Variants in KIF18A observed in about 807,000 individuals in gnomAD.
KIF18A encodes the protein kinesin-like protein KIF18A.
Under a neutral mutation model 103.3 loss-of-function variants are expected in KIF18A, and 67 were observed. The observed-to-expected ratio is 0.65, with a 90% CI of 0.53 to 0.79. The LOEUF (loss-of-function observed/expected upper bound fraction) is 0.79, where lower values mean the gene tolerates loss of function less well. Ranked by LOEUF, KIF18A falls within the 30% of genes least tolerant of loss-of-function variation. The pLI is 0.00. For synonymous variants in KIF18A, 367 were observed against 355.5 expected, an observed-to-expected ratio of 1.03 and a Z score of -0.36; for missense variants, 1,032 against 1,062.5, an observed-to-expected ratio of 0.97 and a Z score of 0.40.
At chr11:28,060,070 C>T (rs955786606) in intron 12 of KIF18A, among the ~76,000 whole-genome samples, 21 of 152,052 alleles carry the variant, frequency 1.4e-4, no homozygotes, top group African/African-American at 5.1e-4. Context: ...CTCAAAATCT[C>T]CCTTATTAGC....
At chr11:28,054,807 G>A (rs1162902402) in intron 13 of KIF18A, among the ~76,000 whole-genome samples, 3 of 152,080 alleles carry the variant, frequency 2.0e-5, no homozygotes, top group Admixed American at 2.0e-4. Flanking sequence ...GAGAAAACAC[G>A]TTAATTATAA....
chr11:28,106,900 G>A, intron 1 of KIF18A, among the ~76,000 whole-genome samples: 1 of 152,146 alleles, frequency 6.6e-6, no homozygotes, highest in East Asian at 1.9e-4. Context: ...GAACCTGGGA[G>A]GTGGAGGTTG....
At chr11:28,089,029 T>G (rs1851268508) in intron 5 of KIF18A, among the ~76,000 whole-genome samples, 2 of 152,150 alleles carry the variant, frequency 1.3e-5, no homozygotes, top group African/African-American at 2.4e-5. Context: ...GAGGTGATGG[T>G]TAGAAACACA....
intron 1 of KIF18A, among the ~76,000 whole-genome samples, chr11:28,104,373 C>A (rs973677706): frequency 6.6e-6 from 1 of 152,202 alleles, no homozygotes. Context: ...TTTCATTATT[C>A]TGCTTCAGCT....
chr11:28,059,484 A>G (rs1850830996), intron 12 of KIF18A, among the ~76,000 whole-genome samples: 1 of 152,096 alleles, frequency 6.6e-6, no homozygotes, highest in South Asian at 2.1e-4. Context: ...CCCAGGCTGG[A>G]GTGTAGTGGC....
At chr11:28,027,481 T>A (rs1195076008) in intron 15 of KIF18A, among the ~76,000 whole-genome samples, 1 of 151,832 alleles carries the variant, frequency 6.6e-6, no homozygotes. Flanking sequence ...GTATTAGCCA[T>A]CATCTCAAAT....
At chr11:28,033,987 A>AT (rs1850446212) in intron 15 of KIF18A, among the ~76,000 whole-genome samples, 1 of 151,656 alleles carries the variant, frequency 6.6e-6, no homozygotes, top group Non-Finnish European at 1.5e-5. Flanking sequence ...CTACGTACCC[A>AT]CAAAAATAAA....
At chr11:28,098,894 C>G (rs1004150780) in intron 1 of KIF18A, among the ~76,000 whole-genome samples, 8 of 151,060 alleles carry the variant, frequency 5.3e-5, no homozygotes, top group Admixed American at 5.3e-4. Context: ...AAAAACCAAA[C>G]CACAAAACAA....
Position 28,077,135 on chromosome 11 carries a change from G to T in KIF18A, c.1297C>A (p.Arg433=). 6.4e-7 allele frequency: 1 copy of T among 1,574,644 alleles called. No homozygotes were observed. Among genetic ancestry groups the T allele is most frequent in the Non-Finnish European group, 8.6e-7 (1 of 1,168,286 alleles). ...QEILNCLFQN[R]EEIRQEYLKL... The stretch of plus-strand genomic sequence containing the variant: ...AGATATTCTTGTCTAATTTCTTCTC[G>T]ATTCTGGAACAAGCAGTTCAGGATT... The change falls in exon 10 of 17, where the codon CGA becomes AGA. Residue 433 remains arginine (R), a synonymous_variant. Coordinates refer to ENST00000263181, the MANE Select transcript of KIF18A (RefSeq NM_031217.4).
At chr11:28,025,389 A>G (rs963553062) in intron 15 of KIF18A, among the ~76,000 whole-genome samples, 1 of 152,052 alleles carries the variant, frequency 6.6e-6, no homozygotes. Flanking sequence ...TTTCAAATAT[A>G]AAGATCAATA....
intron 15 of KIF18A, among the ~76,000 whole-genome samples, chr11:28,026,682 C>A (rs1850325603): frequency 6.6e-6 from 1 of 151,730 alleles, no homozygotes; most frequent in Admixed American, 6.6e-5. Context: ...TTTATAATAG[C>A]TAAGTTCATA....
rs531768449 is a variant in KIF18A at position 28,033,561 on chromosome 11, A to G, written c.2504+1826T>C. On this transcript the variant is annotated intron_variant, in intron 15 of 16. Coordinates refer to ENST00000263181, the MANE Select transcript of KIF18A (RefSeq NM_031217.4). ...AGAATGAGACCCTGTCATTTGCAACAGCATGGATGGAACTGATGGTAATTA... is the reference window on the plus strand; with the variant it reads ...AGAATGAGACCCTGTCATTTGCAACGGCATGGATGGAACTGATGGTAATTA... Among the ~76,000 whole-genome samples, 4 of 152,002 alleles carry G rather than the reference A, an allele frequency of 2.6e-5. No homozygotes were observed. In the East Asian group the frequency reaches 7.7e-4, roughly 29 times the overall value.
At chr11:28,049,381 T>A (rs1393515001) in intron 13 of KIF18A, among the ~76,000 whole-genome samples, 1 of 151,968 alleles carries the variant, frequency 6.6e-6, no homozygotes, top group Non-Finnish European at 1.5e-5. Context: ...GCTTTTGGGG[T>A]CATCTTTTGA....
At chr11:28,060,032 C>T (rs566369534) in intron 12 of KIF18A, among the ~76,000 whole-genome samples, 2 of 152,152 alleles carry the variant, frequency 1.3e-5, no homozygotes, top group East Asian at 1.9e-4. Flanking sequence ...TATAAATAAT[C>T]GTTAGGGCAC....
chr11:28,053,156 T>A lies in KIF18A; in HGVS notation c.1948+5770A>T, dbSNP rs1369536607. Among the ~76,000 whole-genome samples the A allele has an allele frequency of 2.0e-5, 3 of 152,154 alleles. No individual in the cohort carries two copies. The South Asian group carries it at 6.2e-4, about 32-fold the overall frequency. Reference sequence around the variant, plus strand: ...TTGTTTGTATCTTAATTCAAACAAATCATAGAAACAAATAATTTATGAGAC... The same window carrying A: ...TTGTTTGTATCTTAATTCAAACAAAACATAGAAACAAATAATTTATGAGAC... On this transcript the variant is annotated intron_variant, in intron 13 of 16. Coordinates refer to ENST00000263181, the MANE Select transcript of KIF18A (RefSeq NM_031217.4).
chr11:28,051,051 C>T (rs758746270), intron 13 of KIF18A, among the ~76,000 whole-genome samples: 10 of 151,436 alleles, frequency 6.6e-5, no homozygotes, highest in East Asian at 1.9e-4. Flanking sequence ...AAAACACTTA[C>T]GAAGAAAACT....
chr11:28,063,156 T>C (rs982862193), intron 11 of KIF18A, among the ~76,000 whole-genome samples: 26 of 152,054 alleles, frequency 1.7e-4, no homozygotes, highest in Non-Finnish European at 3.1e-4. Context: ...CTATGAGTCA[T>C]GTGATTTTAG....
intron 15 of KIF18A, among the ~76,000 whole-genome samples, chr11:28,032,612 TG>T (rs35364054): frequency 2.0e-5 from 3 of 151,834 alleles, no homozygotes; most frequent in African/African-American, 7.3e-5. Context: ...GAACATACAT[TG>T]GGAAAAAAGA....
rs1851450832 is a variant in KIF18A at position 28,101,940 on chromosome 11, G to A, written c.-46-3947C>T. ...CCCTATAAATCATGGATTTTCATTA[G>A]ATGCGTTTTATTTGACCCCGTATAT... On this transcript the variant is annotated intron_variant, in intron 1 of 16. Coordinates refer to ENST00000263181, the MANE Select transcript of KIF18A (RefSeq NM_031217.4). Among the ~76,000 whole-genome samples, 6 of 152,114 alleles carry A rather than the reference G, an allele frequency of 3.9e-5. 1 individual carries two copies. Among genetic ancestry groups the A allele is most frequent in the Admixed American group, 3.9e-4 (6 of 15,266 alleles).
Sources: gnomAD v4.1 joint callset for allele counts (sites outside exome capture counted in the v4.1 genomes callset) on GRCh38, gnomAD v4.1.1 for gene constraint, MANE v1.5 for transcripts, NCBI Gene and HGNC (gene_info 2026-07-23, HGNC 2026-07-21) for gene names.